Variants in CAAP1 observed in about 807,000 individuals in gnomAD.
CAAP1 encodes the protein conserved anti-apoptotic protein.
CAAP1 carries 20 observed loss-of-function variants against 34.0 expected under a neutral mutation model. The ratio of observed to expected loss-of-function variants is 0.59; its 90% confidence interval spans 0.41 to 0.86. The LOEUF is 0.86. Ranked by LOEUF, CAAP1 falls within the 40% of genes least tolerant of loss-of-function variation. The pLI, the probability that CAAP1 is intolerant of heterozygous loss-of-function variation, is 0.00. For synonymous variants in CAAP1, 213 were observed against 166.7 expected, an observed-to-expected ratio of 1.28 and a Z score of -2.14; for missense variants, 538 against 450.5, an observed-to-expected ratio of 1.19 and a Z score of -1.76.
At chr9:26,891,398 A>G (rs950023908) in intron 1 of CAAP1, among the ~76,000 whole-genome samples, 5 of 152,198 alleles carry the variant, frequency 3.3e-5, no homozygotes, top group African/African-American at 1.2e-4. Flanking sequence ...GTATTCTTAT[A>G]TATATACTGT....
Position 26,842,249 on chromosome 9 carries a change from A to G in CAAP1, c.*52T>C. 1 of 1,382,006 alleles carries G rather than the reference A, an allele frequency of 7.2e-7. No individual in the cohort carries two copies. The highest frequency in any genetic ancestry group is 1.5e-5 in the South Asian group (1 of 68,962). The allele number at this position is 1,382,006 out of a possible 1,614,324, so 85.6% of individuals were successfully genotyped here. A position where few individuals can be genotyped will look rare whatever the true frequency, so the allele number is the denominator to read the frequency against. On this transcript the variant is annotated 3_prime_UTR_variant, in exon 6 of 6. Coordinates refer to ENST00000333916, the MANE Select transcript of CAAP1 (RefSeq NM_024828.4). ...CAAATAAATTTTAGATACAAAATTAAATGATGTGGCTTTGTTCAAACATAC... is the reference window on the plus strand; with the variant it reads ...CAAATAAATTTTAGATACAAAATTAGATGATGTGGCTTTGTTCAAACATAC...
intron 4 of CAAP1, among the ~76,000 whole-genome samples, chr9:26,865,831 C>G (rs528930995): frequency 1.3e-5 from 2 of 152,064 alleles, no homozygotes; most frequent in Admixed American, 1.3e-4. Flanking sequence ...TAACTAAAGA[C>G]AGTAAATAAC....
chr9:26,843,343 C>T lies in CAAP1; in HGVS notation c.740-696G>A, dbSNP rs924158794. On this transcript the variant is annotated intron_variant, in intron 5 of 5. Coordinates refer to ENST00000333916, the MANE Select transcript of CAAP1 (RefSeq NM_024828.4). ...ATAAATAAACACAGATTATGGTTCT[C>T]GACCACCTTGTTCTTGGCATTGAAT... 2.0e-5 allele frequency among the ~76,000 whole-genome samples: 3 copies of T among 152,246 alleles called. No individual in the cohort carries two copies. In the South Asian group the frequency reaches 6.2e-4, roughly 32 times the overall value.
At chr9:26,863,267 T>C (rs1027031709) in intron 4 of CAAP1, among the ~76,000 whole-genome samples, 3 of 152,096 alleles carry the variant, frequency 2.0e-5, no homozygotes, top group African/African-American at 7.2e-5. Context: ...TTTCAGACAG[T>C]AAGTATTTTA....
At chr9:26,875,463 T>C (rs752516215) in intron 4 of CAAP1, among the ~76,000 whole-genome samples, 3 of 152,190 alleles carry the variant, frequency 2.0e-5, no homozygotes, top group Non-Finnish European at 4.4e-5. Context: ...ATAGGTCGCC[T>C]ACTAAAAGAA....
intron 2 of CAAP1, among the ~76,000 whole-genome samples, chr9:26,886,402 T>C (rs1823740062): frequency 1.3e-5 from 2 of 152,180 alleles, no homozygotes; most frequent in Non-Finnish European, 2.9e-5. Context: ...ATGCATAAAC[T>C]TGTATTTACT....
At chr9:26,859,940 C>T (rs529689021) in intron 5 of CAAP1, among the ~76,000 whole-genome samples, 95 of 152,280 alleles carry the variant, frequency 6.2e-4, no homozygotes, top group African/African-American at 2.0e-3. Flanking sequence ...CGCTGTCTAA[C>T]CTTTTTTTCC....
intron 4 of CAAP1, among the ~76,000 whole-genome samples, chr9:26,869,659 G>C (rs915752643): frequency 6.6e-6 from 1 of 152,064 alleles, no homozygotes; most frequent in Non-Finnish European, 1.5e-5. Flanking sequence ...TAGTTAACGT[G>C]TTTACATATT....
chr9:26,878,355 T>C (rs758819390), intron 4 of CAAP1, among the ~76,000 whole-genome samples: 10 of 152,200 alleles, frequency 6.6e-5, no homozygotes, highest in Non-Finnish European at 1.2e-4. Flanking sequence ...ATGGTCATTA[T>C]GGTCAATTCC....
intron 4 of CAAP1, among the ~76,000 whole-genome samples, chr9:26,867,293 C>T (rs192247339): frequency 1.3e-5 from 2 of 152,324 alleles, no homozygotes; most frequent in East Asian, 3.9e-4. Context: ...ACATCTCTGA[C>T]TCTGCTTCCT....
intron 5 of CAAP1, among the ~76,000 whole-genome samples, chr9:26,846,082 G>T: frequency 6.6e-6 from 1 of 151,748 alleles, no homozygotes. Context: ...CATGTTGTTT[G>T]TTCCACAGCC....
intron 1 of CAAP1, among the ~76,000 whole-genome samples, chr9:26,888,336 A>ATT: frequency 6.6e-6 from 1 of 152,246 alleles, no homozygotes; most frequent in Middle Eastern, 3.4e-3. Context: ...CTCGACTGTA[A>ATT]CCTATTCTCC....
At chr9:26,852,256 CCAG>C (rs909504101) in intron 5 of CAAP1, among the ~76,000 whole-genome samples, 1 of 152,002 alleles carries the variant, frequency 6.6e-6, no homozygotes, top group African/African-American at 2.4e-5. Context: ...GAGTTCAAGA[CCAG>C]CCTGACCAAC....
chr9:26,844,943 AAC>A (rs2131292623), intron 5 of CAAP1, among the ~76,000 whole-genome samples: 1 of 152,232 alleles, frequency 6.6e-6, no homozygotes, highest in African/African-American at 2.4e-5. Flanking sequence ...TTCACCTCCT[AAC>A]AGTTTTATCC....
At chr9:26,882,549 C>T (rs899744869) in intron 4 of CAAP1, among the ~76,000 whole-genome samples, 8 of 152,162 alleles carry the variant, frequency 5.3e-5, no homozygotes, top group African/African-American at 1.2e-4. Context: ...GCTGCAGGGG[C>T]GGGGCTCTCA....
intron 5 of CAAP1, among the ~76,000 whole-genome samples, chr9:26,856,671 T>G (rs767539431): frequency 6.6e-6 from 1 of 152,226 alleles, no homozygotes; most frequent in Non-Finnish European, 1.5e-5. Context: ...CAGTCCACTG[T>G]GTTAGACCAA....
At chr9:26,857,036 AGCAG>A (rs1372686888) in intron 5 of CAAP1, among the ~76,000 whole-genome samples, 2 of 152,260 alleles carry the variant, frequency 1.3e-5, no homozygotes, top group Admixed American at 6.5e-5. Flanking sequence ...ACTTAACATT[AGCAG>A]ATACTTGATA....
At chr9:26,872,980 A>T (rs1823318303) in intron 4 of CAAP1, among the ~76,000 whole-genome samples, 2 of 152,158 alleles carry the variant, frequency 1.3e-5, no homozygotes, top group Non-Finnish European at 1.5e-5. Flanking sequence ...AGCTACTTTG[A>T]TTGGGTGCAG....
intron 5 of CAAP1, among the ~76,000 whole-genome samples, chr9:26,853,017 T>C (rs1409716495): frequency 6.6e-6 from 1 of 152,164 alleles, no homozygotes; most frequent in South Asian, 2.1e-4. Context: ...ACAAGTCACA[T>C]CATGTTAAGG....
Sources: allele counts gnomAD v4.1 joint callset (sites outside exome capture counted in the v4.1 genomes callset), GRCh38; gene constraint gnomAD v4.1.1; transcripts MANE v1.5; gene names NCBI Gene and HGNC (gene_info 2026-07-23, HGNC 2026-07-21).